Variants in KLF12 observed in about 807,000 individuals in gnomAD.
KLF12 encodes Krueppel-like factor 12.
KLF12 carries 9 observed loss-of-function variants against 37.8 expected under a neutral mutation model. The observed-to-expected ratio is 0.24, with a 90% confidence interval of 0.14 to 0.42. KLF12 has a LOEUF of 0.42. KLF12 is among the 10% of genes least tolerant of loss of function. The pLI is 1.00. For missense variants in KLF12, 411 were observed against 516.0 expected, an observed-to-expected ratio of 0.80 and a Z score of 1.97; for synonymous variants, 208 against 202.1, an observed-to-expected ratio of 1.03 and a Z score of -0.25.
At chr13:74,277,647 C>G in the KLF12 span, among the ~76,000 whole-genome samples, 3 of 152,172 alleles carry the variant, frequency 2.0e-5, no homozygotes, top group South Asian at 2.1e-4. Context: ...CCCAGAGCCT[C>G]TTACAATGAA....
rs530042225 is a variant in KLF12, at chr13:73,727,582, T to A, written c.870-12057A>T. Reference sequence around the variant, plus strand: ...ATGTATAATTATCTCAGTACCACAATGTCTTAATTTTATAGCTTTAGGATC... The same window carrying A: ...ATGTATAATTATCTCAGTACCACAAAGTCTTAATTTTATAGCTTTAGGATC... On this transcript the variant is annotated intron_variant, in intron 6 of 7. Coordinates refer to ENST00000377669, the MANE Select transcript of KLF12 (RefSeq NM_007249.5). Among the ~76,000 whole-genome samples, 6 of 152,298 alleles carry A rather than the reference T, an allele frequency of 3.9e-5. No individual in the cohort carries two copies. In the East Asian group the frequency reaches 1.2e-3, roughly 29 times the overall value.
At chr13:73,937,160 A>T (rs556004129) in intron 3 of KLF12, among the ~76,000 whole-genome samples, 1 of 151,926 alleles carries the variant, frequency 6.6e-6, no homozygotes, top group African/African-American at 2.4e-5. Flanking sequence ...ACTGTACTCC[A>T]GCCTGGCGAC....
chr13:73,896,888 T>C (rs917803010), intron 3 of KLF12, among the ~76,000 whole-genome samples: 5 of 152,170 alleles, frequency 3.3e-5, no homozygotes, highest in African/African-American at 1.2e-4. Flanking sequence ...TTGAAGACTT[T>C]CCTTTTATTA....
intron 6 of KLF12, among the ~76,000 whole-genome samples, chr13:73,748,924 A>G (rs1244946826): frequency 6.6e-6 from 1 of 152,172 alleles, no homozygotes; most frequent in African/African-American, 2.4e-5. Context: ...TGTCAGTTTT[A>G]AAGGCCTTGG....
At chr13:73,781,446 C>T (rs1045388964) in intron 5 of KLF12, among the ~76,000 whole-genome samples, 7 of 152,106 alleles carry the variant, frequency 4.6e-5, no homozygotes, top group African/African-American at 1.7e-4. Flanking sequence ...ATTGTTATTA[C>T]AAAATGTAGA....
At chr13:73,918,372 T>C (rs1345050728) in intron 3 of KLF12, among the ~76,000 whole-genome samples, 1 of 152,214 alleles carries the variant, frequency 6.6e-6, no homozygotes, top group Non-Finnish European at 1.5e-5. Context: ...TACAACTATG[T>C]CTACTGCTCT....
At chr13:74,097,601 A>T (rs545971542) in intron 1 of KLF12, among the ~76,000 whole-genome samples, 4 of 152,170 alleles carry the variant, frequency 2.6e-5, no homozygotes, top group Non-Finnish European at 5.9e-5. Context: ...CCAAATTCAG[A>T]CACTGGAGAC....
intron 1 of KLF12, among the ~76,000 whole-genome samples, chr13:74,029,851 C>G (rs1442698303): frequency 6.6e-6 from 1 of 152,000 alleles, no homozygotes; most frequent in Non-Finnish European, 1.5e-5. Context: ...TTACCTCTGA[C>G]CTATAGTTAA....
intron 2 of KLF12, among the ~76,000 whole-genome samples, chr13:73,962,703 A>G (rs1891056704): frequency 6.6e-6 from 1 of 152,208 alleles, no homozygotes; most frequent in Non-Finnish European, 1.5e-5. Flanking sequence ...CTACTTTTTA[A>G]AATTCAAAAA....
In KLF12 at chr13:73,797,081, A is replaced by C. The variant is rs147225811; in HGVS notation, c.806+16071T>G. 2.6e-3 allele frequency among the ~76,000 whole-genome samples: 394 copies of C among 152,334 alleles called. 3 individuals carry two copies. The highest frequency in any genetic ancestry group is 9.3e-3 in the African/African-American group (385 of 41,584). Reference sequence around the variant, plus strand: ...GGTGATGGAAATGTTCAGATCTTACATGAGAGTATACAATTGTTAAATTCT... The same window carrying C: ...GGTGATGGAAATGTTCAGATCTTACCTGAGAGTATACAATTGTTAAATTCT... On this transcript the variant is annotated intron_variant, in intron 5 of 7. Coordinates refer to ENST00000377669, the MANE Select transcript of KLF12 (RefSeq NM_007249.5).
rs1013719049 is a variant in KLF12 at position 74,064,201 on chromosome 13, C to T, written c.-31-69148G>A. Among the ~76,000 whole-genome samples, 6 of 152,288 alleles carry T rather than the reference C, an allele frequency of 3.9e-5. No individual in the cohort carries two copies. In the South Asian group the frequency reaches 1.2e-3, roughly 32 times the overall value. On this transcript the variant is annotated intron_variant, in intron 1 of 7. Coordinates refer to ENST00000377669, the MANE Select transcript of KLF12 (RefSeq NM_007249.5). ...TTGCAATGGTGATGATGGAAAACCA[C>T]CCCTCTCCATCACCAAGAAAAACAT...
At chr13:73,730,567 G>A (rs1431609929) in intron 6 of KLF12, among the ~76,000 whole-genome samples, 1 of 152,096 alleles carries the variant, frequency 6.6e-6, no homozygotes, top group Non-Finnish European at 1.5e-5. Flanking sequence ...GGCAAAAAAT[G>A]ATATGTGATA....
At chr13:74,062,538 A>AT in intron 1 of KLF12, among the ~76,000 whole-genome samples, 1 of 152,270 alleles carries the variant, frequency 6.6e-6, no homozygotes, top group Middle Eastern at 3.4e-3. Flanking sequence ...TTACAAAACA[A>AT]TTTTTTTAAA....
intron 1 of KLF12, among the ~76,000 whole-genome samples, chr13:74,124,588 T>G (rs1025123378): frequency 2.0e-5 from 3 of 152,176 alleles, no homozygotes; most frequent in African/African-American, 7.2e-5. Context: ...AAAGTTGTAT[T>G]CATCAGTCAA....
chr13:73,949,659 C>T (rs1890571533), intron 2 of KLF12, among the ~76,000 whole-genome samples: 1 of 152,162 alleles, frequency 6.6e-6, no homozygotes, highest in Non-Finnish European at 1.5e-5. Context: ...AGGACAGATG[C>T]CTCTCAGCAT....
intron 1 of KLF12, among the ~76,000 whole-genome samples, chr13:74,115,722 C>A (rs149464932): frequency 0.017 from 2,265 of 136,924 alleles, 53 homozygotes; most frequent in African/African-American, 0.055. Context: ...AAAAAAAAAT[C>A]TTTTCCTTGC....
chr13:74,151,280 A>G, the KLF12 span, among the ~76,000 whole-genome samples: 1 of 152,308 alleles, frequency 6.6e-6, no homozygotes, highest in African/African-American at 2.4e-5. Context: ...ATTTAAAACT[A>G]TAATTACAAC....
intron 3 of KLF12, among the ~76,000 whole-genome samples, chr13:73,932,235 C>T (rs1245753584): frequency 6.6e-6 from 1 of 152,114 alleles, no homozygotes; most frequent in Non-Finnish European, 1.5e-5. Flanking sequence ...TATGAGTCAC[C>T]TTGAACATTA....
At chr13:73,820,144 C>A (rs1883444113) in intron 4 of KLF12, among the ~76,000 whole-genome samples, 1 of 152,152 alleles carries the variant, frequency 6.6e-6, no homozygotes, top group Admixed American at 6.5e-5. Flanking sequence ...ATCCCTCTGG[C>A]TATCTCTGCC....
Sources: allele counts gnomAD v4.1 joint callset (sites outside exome capture counted in the v4.1 genomes callset), GRCh38; gene constraint gnomAD v4.1.1; transcripts MANE v1.5; gene names NCBI Gene and HGNC (gene_info 2026-07-23, HGNC 2026-07-21).